The following ARHGEF38 variants were observed in gnomAD, a reference collection of about 807,000 sequenced individuals.
The protein encoded by ARHGEF38 is Rho guanine nucleotide exchange factor (GEF) 38.
A neutral mutation model predicts 79.9 loss-of-function variants in ARHGEF38; 79 were observed. The ratio of observed to expected loss-of-function variants is 0.99; its 90% confidence interval spans 0.82 to 1.19. The LOEUF is 1.19. Among genes scored for constraint, ARHGEF38 ranks in the 50% most tolerant of loss-of-function variants. ARHGEF38 has a pLI of 0.00. For synonymous variants in ARHGEF38, 366 were observed against 328.3 expected (o/e 1.11, Z -1.24); for missense variants, 962 against 907.2 (o/e 1.06, Z -0.78).
At chr4:105,579,327 T>A (rs1726663381) in intron 1 of ARHGEF38, among the ~76,000 whole-genome samples, 1 of 152,224 alleles carries the variant, frequency 6.6e-6, no homozygotes, top group Non-Finnish European at 1.5e-5. Context: ...AGGGGAATGC[T>A]TTCAGCTTTT....
At chr4:105,657,325 C>T (rs987398902) in intron 9 of ARHGEF38, among the ~76,000 whole-genome samples, 5 of 152,016 alleles carry the variant, frequency 3.3e-5, no homozygotes, top group Admixed American at 1.3e-4. Context: ...TGCATAAAAC[C>T]ACAAGATGAT....
chr4:105,614,130 T>C (rs1020881171), intron 3 of ARHGEF38, among the ~76,000 whole-genome samples: 3 of 152,194 alleles, frequency 2.0e-5, no homozygotes, highest in African/African-American at 7.2e-5. Context: ...CAAATTTTTA[T>C]GCTCTCCATT....
chr4:105,613,331 A>G (rs1420288434), intron 2 of ARHGEF38, 53 bp from the exon 3 acceptor site: 1 of 1,574,566 alleles, frequency 6.4e-7, no homozygotes, highest in Non-Finnish European at 8.6e-7. Context: ...AGGAGGAGAA[A>G]ACATCCTAAA....
At chr4:105,671,470 T>TC (rs1284810937) in intron 13 of ARHGEF38, among the ~76,000 whole-genome samples, 4 of 152,102 alleles carry the variant, frequency 2.6e-5, no homozygotes, top group Non-Finnish European at 5.9e-5. Context: ...GTTTCCAGAC[T>TC]CCCCCTGTAA....
intron 1 of ARHGEF38, among the ~76,000 whole-genome samples, chr4:105,558,118 G>A (rs572610331): frequency 3.3e-5 from 5 of 152,258 alleles, no homozygotes; most frequent in South Asian, 2.1e-4. Flanking sequence ...AATATGGTGC[G>A]AAAGATGAAC....
chr4:105,661,679 A>G (rs574502670), intron 10 of ARHGEF38, among the ~76,000 whole-genome samples: 1 of 152,126 alleles, frequency 6.6e-6, no homozygotes, highest in East Asian at 1.9e-4. Flanking sequence ...ATTTGCATAT[A>G]CACATCTGTG....
chr4:105,613,556 T>G, intron 3 of ARHGEF38, 49 bp downstream of exon 3: 1 of 1,595,600 alleles, frequency 6.3e-7, no homozygotes, highest in Non-Finnish European at 8.6e-7. Flanking sequence ...GAAATAATTT[T>G]TTAATAACCT....
rs564747222 is a variant in ARHGEF38 at position 105,660,671 on chromosome 4, C to G, written c.1545+1306C>G. Among the ~76,000 whole-genome samples the G allele has an allele frequency of 5.3e-5, 8 of 152,212 alleles. No homozygotes were observed. The South Asian group carries it at 1.7e-3, about 32-fold the overall frequency. The stretch of plus-strand genomic sequence containing the variant: ...GTCAGGCTGGTCTCGAACTTCTGAC[C>G]TCAGGTGATCCACTCGCCTCGGCCT... On this transcript the variant is annotated intron_variant, in intron 10 of 13. Transcript: ENST00000420470.
chr4:105,639,915 A>T (rs1729550964), intron 5 of ARHGEF38, among the ~76,000 whole-genome samples: 1 of 152,048 alleles, frequency 6.6e-6, no homozygotes, highest in Non-Finnish European at 1.5e-5. Flanking sequence ...TTCAATAGCC[A>T]AATCGTTCTG....
In ARHGEF38 at chr4:105,589,422, T is replaced by A; in HGVS notation, c.371T>A (p.Leu124Gln). Residue 124 changes from leucine (L) to glutamine (Q), a missense_variant, in exon 2 of 14, where the codon CTG becomes CAG. By Grantham distance (113) the Leu-to-Gln change is moderately radical. Transcript: ENST00000420470. ...TGTGTTAGGGAAGTGGTTCAGCCCC[T>A]GAGAAATAAAAAGGTAAATATATAT... ...ELCVREVVQP[L>Q]RNKKTDRLDV... 1 of 1,605,578 alleles carries A rather than the reference T, an allele frequency of 6.2e-7. No individual in the cohort carries two copies. The highest frequency in any genetic ancestry group is 8.5e-7 in the Non-Finnish European group (1 of 1,177,800).
At chr4:105,622,054 C>T (rs984329243) in intron 3 of ARHGEF38, among the ~76,000 whole-genome samples, 1 of 152,100 alleles carries the variant, frequency 6.6e-6, no homozygotes, top group African/African-American at 2.4e-5. Context: ...GGTTGGACTT[C>T]CAGTCTCCTG....
At chr4:105,595,717 A>G (rs1727550401) in intron 2 of ARHGEF38, among the ~76,000 whole-genome samples, 1 of 152,178 alleles carries the variant, frequency 6.6e-6, no homozygotes. Flanking sequence ...ACCTACACAC[A>G]TCCTACTGTA....
At chr4:105,607,266 A>C (rs1728089325) in intron 2 of ARHGEF38, among the ~76,000 whole-genome samples, 1 of 152,118 alleles carries the variant, frequency 6.6e-6, no homozygotes, top group South Asian at 2.1e-4. Context: ...TAAAATTATA[A>C]AATATCCATG....
At chr4:105,650,628 T>C (rs191239282) in intron 7 of ARHGEF38, among the ~76,000 whole-genome samples, 140 of 152,344 alleles carry the variant, frequency 9.2e-4, no homozygotes, top group African/African-American at 3.2e-3. Context: ...TCTAGCCCTG[T>C]GTGGCATGTG....
intron 13 of ARHGEF38, among the ~76,000 whole-genome samples, chr4:105,670,451 A>T (rs546477012): frequency 1.6e-3 from 243 of 152,118 alleles, no homozygotes; most frequent in Admixed American, 5.2e-3. Flanking sequence ...GTGAATGTCT[A>T]TTCAAATATT....
rs777332220 is a variant in ARHGEF38, at chr4:105,667,134, A to T, written c.1695A>T (p.Glu565Asp). ...EKKKPVQILPEMPHQTDIHRS... is the reference protein window; with the variant it reads ...EKKKPVQILPDMPHQTDIHRS... The stretch of plus-strand genomic sequence containing the variant: ...CTTCTCCTTATTTCTCCCAGCCAGA[A>T]ATGCCACATCAAACTGACATTCATC... The change falls in exon 12 of 14, where the codon GAA (glutamate) becomes GAT (aspartate). Residue 565 changes from glutamate (E) to aspartate (D), a missense_variant. Physicochemically the swap from Glu to Asp is conservative, Grantham distance 45. Coordinates refer to ENST00000420470, the MANE Select transcript of ARHGEF38 (RefSeq NM_001242729.2). 8 of 1,530,408 alleles carry T rather than the reference A, an allele frequency of 5.2e-6. No homozygotes were observed. Among genetic ancestry groups the T allele is most frequent in the South Asian group, 2.4e-5 (2 of 83,408 alleles). 94.8% of individuals were successfully genotyped at this position (1,530,408 alleles called of 1,614,324 possible).
chr4:105,636,403 GA>G lies in ARHGEF38; in HGVS notation c.661del (p.Ile221TyrfsTer16). ...HLSHCIQSLKKIYMQEGKPNL... is the reference protein window; with the variant it reads ...HLSHCIQSLKXIYMQEGKPNL... ...TTACTTTCTTTTTCTTCTCTTACAG[GA>G]AAATATACATGCAAGAGTAAGTACT... On this transcript the variant is annotated frameshift_variant and splice_region_variant, in exon 5 of 14. Transcript: ENST00000420470. LOFTEE classifies it high-confidence loss of function. 2 of 441,500 alleles carry G rather than the reference GA, an allele frequency of 4.5e-6. No homozygotes were observed. The highest frequency in any genetic ancestry group is 3.4e-6 in the Non-Finnish European group (1 of 294,130). 27.3% of individuals were successfully genotyped at this position (441,500 alleles called of 1,614,324 possible).
intron 2 of ARHGEF38, among the ~76,000 whole-genome samples, chr4:105,602,570 A>G (rs1727870426): frequency 6.6e-6 from 1 of 152,144 alleles, no homozygotes; most frequent in South Asian, 2.1e-4. Context: ...TGGTTAAGCT[A>G]TCAAGATCAG....
chr4:105,666,412 C>T, intron 11 of ARHGEF38, 92 bp downstream of exon 11: 1 of 1,276,784 alleles, frequency 7.8e-7, no homozygotes, highest in South Asian at 1.8e-5. Context: ...TCACTTATCT[C>T]ATTCTAATAT....
Sources: gnomAD v4.1 joint callset for allele counts (sites outside exome capture counted in the v4.1 genomes callset) on GRCh38, gnomAD v4.1.1 for gene constraint, MANE v1.5 for transcripts, NCBI Gene and HGNC (gene_info 2026-07-23, HGNC 2026-07-21) for gene names.